The following CORIN variants were observed in gnomAD, a reference collection of about 807,000 sequenced individuals.
CORIN encodes corin, serine peptidase, also known as atrial natriuretic peptide-converting enzyme.
In CORIN, 117 loss-of-function variants were observed where a neutral mutation model predicts 125.3. The ratio of observed to expected loss-of-function variants is 0.93; its 90% confidence interval spans 0.80 to 1.09. The LOEUF is 1.09. CORIN is among the 50% of genes least tolerant of loss of function. CORIN has a pLI of 0.00. For synonymous variants in CORIN, 450 were observed against 466.4 expected (o/e 0.96, Z 0.45); for missense variants, 1,253 against 1,306.7 (o/e 0.96, Z 0.63).
chr4:47,633,650 T>C (rs951568689), intron 16 of CORIN, among the ~76,000 whole-genome samples: 1 of 152,228 alleles, frequency 6.6e-6, no homozygotes, highest in African/African-American at 2.4e-5. Flanking sequence ...ACACTTTTTT[T>C]TGAGAGACAG....
At chr4:47,722,280 A>C (rs1192570175) in intron 5 of CORIN, among the ~76,000 whole-genome samples, 1 of 152,230 alleles carries the variant, frequency 6.6e-6, no homozygotes, top group Non-Finnish European at 1.5e-5. Context: ...CCAAGGGTAT[A>C]TTACAGGCAG....
At chr4:47,820,602 T>A (rs1033027008) in intron 1 of CORIN, among the ~76,000 whole-genome samples, 1 of 152,104 alleles carries the variant, frequency 6.6e-6, no homozygotes, top group Non-Finnish European at 1.5e-5. Flanking sequence ...AAAGTAGATC[T>A]CAGACTGGTA....
At chr4:47,623,249 G>GT (rs1273410815) in intron 19 of CORIN, among the ~76,000 whole-genome samples, 4 of 151,856 alleles carry the variant, frequency 2.6e-5, no homozygotes, top group Non-Finnish European at 5.9e-5. Flanking sequence ...AATCACTTCT[G>GT]TTTAAGTTAT....
chr4:47,805,515 C>G (rs1731756448), intron 2 of CORIN, among the ~76,000 whole-genome samples: 1 of 152,122 alleles, frequency 6.6e-6, no homozygotes, highest in South Asian at 2.1e-4. Context: ...GAGTCAGAGC[C>G]CCGAACTGGT....
intron 13 of CORIN, chr4:47,652,558 A>G (rs1371875761): frequency 6.6e-6 from 1 of 152,218 alleles, no homozygotes; most frequent in East Asian, 1.9e-4. Flanking sequence ...ACTGTTTATT[A>G]AAGACCATTG....
chr4:47,836,479 T>A (rs1181718381), intron 1 of CORIN, among the ~76,000 whole-genome samples: 1 of 152,226 alleles, frequency 6.6e-6, no homozygotes, highest in African/African-American at 2.4e-5. Context: ...CTGACGTTCC[T>A]TTGCAGAGTT....
chr4:47,712,225 T>A (rs1002858222), intron 5 of CORIN, among the ~76,000 whole-genome samples: 8 of 152,084 alleles, frequency 5.3e-5, no homozygotes, highest in Non-Finnish European at 7.4e-5. Flanking sequence ...AATATAGTCA[T>A]AATATGACAC....
At chr4:47,662,228 T>C (rs1216167727) in intron 11 of CORIN, among the ~76,000 whole-genome samples, 6 of 152,138 alleles carry the variant, frequency 3.9e-5, no homozygotes, top group African/African-American at 1.4e-4. Context: ...TTTGGATAGT[T>C]TGCCACCAAA....
At chr4:47,835,228 T>C (rs531942490) in intron 1 of CORIN, among the ~76,000 whole-genome samples, 1 of 152,322 alleles carries the variant, frequency 6.6e-6, no homozygotes, top group Admixed American at 6.5e-5. Context: ...CAGTACCCTT[T>C]AGCCAGCCAG....
intron 19 of CORIN, among the ~76,000 whole-genome samples, chr4:47,621,682 T>A (rs943113235): frequency 6.6e-6 from 1 of 152,158 alleles, no homozygotes; most frequent in African/African-American, 2.4e-5. Context: ...GTTAATTTTA[T>A]GTATCAATTT....
intron 1 of CORIN, among the ~76,000 whole-genome samples, chr4:47,822,315 A>G (rs1413831214): frequency 6.6e-6 from 1 of 152,202 alleles, no homozygotes; most frequent in Non-Finnish European, 1.5e-5. Flanking sequence ...GCTCCAGAAT[A>G]TATTAATGGA....
rs1224071305 is a variant in CORIN at position 47,684,186 on chromosome 4, CTT to C, written c.914-350_914-349del. ...TCATGCAGAATAGACTTTAGTAACT[CTT>C]ATGTTTTCTTTAGAGTTGAAGTCTA... On this transcript the variant is annotated intron_variant, in intron 6 of 21. Coordinates refer to ENST00000273857, the MANE Select transcript of CORIN (RefSeq NM_006587.4). Among the ~76,000 whole-genome samples, 3 of 152,202 alleles carry C rather than the reference CTT, an allele frequency of 2.0e-5. No individual in the cohort carries two copies. The East Asian group carries it at 5.8e-4, about 29-fold the overall frequency.
chr4:47,694,394 TA>T (rs1178911569), intron 5 of CORIN, among the ~76,000 whole-genome samples: 6 of 151,980 alleles, frequency 3.9e-5, no homozygotes, highest in African/African-American at 7.2e-5. Context: ...TAGTTTCAGA[TA>T]AAAAAAAGTT....
At chr4:47,789,229 G>A (rs1239666977) in intron 2 of CORIN, among the ~76,000 whole-genome samples, 6 of 152,094 alleles carry the variant, frequency 3.9e-5, no homozygotes, top group Non-Finnish European at 5.9e-5. Flanking sequence ...GTTTGAACCC[G>A]GCAGGCAGAG....
At chr4:47,807,103 A>T in intron 1 of CORIN, 56 bp from the exon 2 acceptor site, 1 of 1,431,538 alleles carries the variant, frequency 7.0e-7, no homozygotes, top group Non-Finnish European at 9.6e-7. Context: ...CATGGTATGA[A>T]ATTTTAGGTT....
intron 19 of CORIN, among the ~76,000 whole-genome samples, chr4:47,610,568 C>A (rs1245463286): frequency 6.6e-6 from 1 of 151,966 alleles, no homozygotes; most frequent in Non-Finnish European, 1.5e-5. Context: ...ATGATGATAG[C>A]TTCTTTTGCT....
In CORIN at chr4:47,653,621, C is replaced by T. The variant is rs759934781; in HGVS notation, c.1775G>A (p.Cys592Tyr). Residue 592 changes from cysteine to tyrosine, a missense_variant, in exon 13 of 22, where the codon TGT becomes TAT. By Grantham distance (194) the Cys-to-Tyr change is radical. Transcript: ENST00000273857. ...PSHFKCRSGQ[C>Y]VLASRRCDGQ... ...ATCACATCTTCTGGAAGCCAGAACA[C>T]ACTGTCCTGAGCGGCACTTGAAATG... 1.9e-6 allele frequency: 3 copies of T among 1,614,136 alleles called. No homozygotes were observed. The highest frequency in any genetic ancestry group is 2.5e-6 in the Non-Finnish European group (3 of 1,179,968).
At chr4:47,761,974 A>G (rs1390873432) in intron 4 of CORIN, among the ~76,000 whole-genome samples, 5 of 152,052 alleles carry the variant, frequency 3.3e-5, no homozygotes, top group Admixed American at 6.5e-5. Context: ...CTAAGTGTGT[A>G]TATATATACA....
rs539999237 is a variant in CORIN, at chr4:47,667,617, A to G, written c.1358-2354T>C. Among the ~76,000 whole-genome samples the G allele has an allele frequency of 2.4e-4, 37 of 152,320 alleles. 1 individual carries two copies. The South Asian group carries it at 7.7e-3, about 32-fold the overall frequency. On this transcript the variant is annotated intron_variant, in intron 10 of 21. Coordinates refer to ENST00000273857, the MANE Select transcript of CORIN (RefSeq NM_006587.4). ...ACTACTTCTTAATTGAAAGAATCCG[A>G]GGATATCACAGATATTATATTTATA...
Sources: gnomAD v4.1 joint callset for allele counts (sites outside exome capture counted in the v4.1 genomes callset) on GRCh38, gnomAD v4.1.1 for gene constraint, MANE v1.5 for transcripts, NCBI Gene and HGNC (gene_info 2026-07-23, HGNC 2026-07-21) for gene names.